The following SCHIP1 variants were observed in gnomAD, a reference collection of about 807,000 sequenced individuals.
SCHIP1 encodes the protein schwannomin interacting protein 1.
Under a neutral mutation model 29.7 loss-of-function variants are expected in SCHIP1, and 8 were observed. The ratio of observed to expected loss-of-function variants is 0.27; its 90% CI spans 0.16 to 0.49. The LOEUF (loss-of-function observed/expected upper bound fraction) is 0.49, where lower values mean the gene tolerates loss of function less well. Among genes scored for constraint, SCHIP1 ranks in the 20% least tolerant of loss-of-function variants. SCHIP1 has a pLI of 0.99. For synonymous variants in SCHIP1, 76 were observed against 94.9 expected, an observed-to-expected ratio of 0.80 and a Z score of 1.16; for missense variants, 193 against 294.6, an observed-to-expected ratio of 0.66 and a Z score of 2.52.
chr3:159,273,249 G>C, the SCHIP1 span: 2 of 985,636 alleles, frequency 2.0e-6, 1 homozygote, highest in Non-Finnish European at 2.4e-6. Flanking sequence ...GCCTCAGAAA[G>C]AGATAATCTG....
the SCHIP1 span, among the ~76,000 whole-genome samples, chr3:159,303,638 A>G: frequency 0.032 from 4,901 of 152,102 alleles, 119 homozygotes; most frequent in East Asian, 0.11. Context: ...AGCTAGGGGA[A>G]AGCTGTGAAG....
chr3:159,605,472 A>G, the SCHIP1 span, among the ~76,000 whole-genome samples: 37 of 152,182 alleles, frequency 2.4e-4, no homozygotes, highest in Non-Finnish European at 4.6e-4. Context: ...TTCCTGACCA[A>G]TCCTATCACC....
At chr3:159,867,758 T>C (rs541501575) in intron 2 of SCHIP1, among the ~76,000 whole-genome samples, 1 of 152,250 alleles carries the variant, frequency 6.6e-6, no homozygotes, top group Admixed American at 6.5e-5. Flanking sequence ...CACTTCTAAT[T>C]TTGAAACTTT....
the SCHIP1 span, chr3:159,764,921 C>A: frequency 3.3e-6 from 5 of 1,518,894 alleles, no homozygotes; most frequent in South Asian, 5.1e-5. This position sits in a 1 kb window ranked among gnomAD's most constrained non-coding sequence, Gnocchi z 6.1. Flanking sequence ...CCCCGCCGGG[C>A]GATCCAAAAG....
the SCHIP1 span, among the ~76,000 whole-genome samples, chr3:159,623,731 G>A: frequency 6.6e-6 from 1 of 152,188 alleles, no homozygotes; most frequent in Non-Finnish European, 1.5e-5. Flanking sequence ...TAGGGTACTT[G>A]TATAAAATTT....
the SCHIP1 span, among the ~76,000 whole-genome samples, chr3:159,503,460 A>G: frequency 1.3e-5 from 2 of 152,170 alleles, no homozygotes; most frequent in Non-Finnish European, 2.9e-5. Flanking sequence ...TTTTTTCAAT[A>G]CATGTACATA....
chr3:159,704,417 TAAAAAAAAAAAA>T, the SCHIP1 span, among the ~76,000 whole-genome samples: 2 of 92,620 alleles, frequency 2.2e-5, no homozygotes, highest in African/African-American at 8.2e-5. Context: ...CAATTTTTTC[TAAAAAAAAAAAA>T]AAAAAAAAAA....
At chr3:159,768,414 C>T in the SCHIP1 span, 1 of 152,324 alleles carries the variant, frequency 6.6e-6, no homozygotes, top group Non-Finnish European at 1.5e-5. Flanking sequence ...CACTCCACAT[C>T]CAGTGCTCTT....
chr3:159,432,745 C>T, the SCHIP1 span, among the ~76,000 whole-genome samples: 2 of 152,170 alleles, frequency 1.3e-5, no homozygotes, highest in African/African-American at 2.4e-5. Context: ...CATACTATCA[C>T]TCAATTGTAT....
chr3:159,434,522 G>A, the SCHIP1 span, among the ~76,000 whole-genome samples: 1 of 152,078 alleles, frequency 6.6e-6, no homozygotes, highest in African/African-American at 2.4e-5. Flanking sequence ...ATTCCACTGG[G>A]TTTCCCCTAA....
the SCHIP1 span, among the ~76,000 whole-genome samples, chr3:159,613,694 T>C: frequency 1.3e-5 from 2 of 152,328 alleles, no homozygotes; most frequent in South Asian, 2.1e-4. Flanking sequence ...CAAGATCTAC[T>C]ATGAAAGGAT....
chr3:159,394,353 T>G, the SCHIP1 span, among the ~76,000 whole-genome samples: 23 of 152,104 alleles, frequency 1.5e-4, no homozygotes, highest in Admixed American at 1.3e-3. Flanking sequence ...AACACTATGT[T>G]GAATAGGAGT....
the SCHIP1 span, among the ~76,000 whole-genome samples, chr3:159,774,993 T>G: frequency 6.6e-6 from 1 of 152,224 alleles, no homozygotes; most frequent in Non-Finnish European, 1.5e-5. Context: ...TTCTTAGTAT[T>G]TATGGTTCAT....
the SCHIP1 span, among the ~76,000 whole-genome samples, chr3:159,437,438 G>A: frequency 6.6e-6 from 1 of 152,022 alleles, no homozygotes; most frequent in Non-Finnish European, 1.5e-5. Context: ...TCCTACGGCT[G>A]CCTCAGGACA....
upstream of SCHIP1, among the ~76,000 whole-genome samples, chr3:159,836,039 C>G (rs1743637416): frequency 6.6e-6 from 1 of 152,212 alleles, no homozygotes; most frequent in Admixed American, 6.5e-5. Flanking sequence ...TGCAGCTTCA[C>G]TCTTACTTTA....
the SCHIP1 span, among the ~76,000 whole-genome samples, chr3:159,828,398 TATATATATAC>T: frequency 1.0e-3 from 66 of 63,858 alleles, 1 homozygote; most frequent in East Asian, 5.0e-3. Flanking sequence ...CATATATACG[TATATATATAC>T]GTATATATAC....
At chr3:159,327,116 T>G in the SCHIP1 span, among the ~76,000 whole-genome samples, 1 of 152,318 alleles carries the variant, frequency 6.6e-6, no homozygotes, top group African/African-American at 2.4e-5. Flanking sequence ...GGAAATTACC[T>G]GCTCTAGAAG....
chr3:159,385,580 A>AAC, the SCHIP1 span, among the ~76,000 whole-genome samples: 349 of 134,926 alleles, frequency 2.6e-3, no homozygotes, highest in African/African-American at 8.9e-3. Flanking sequence ...ACAAACAAAA[A>AAC]AAAAAAAACC....
the SCHIP1 span, among the ~76,000 whole-genome samples, chr3:159,283,303 C>T: frequency 5.7e-4 from 87 of 152,256 alleles, 1 homozygote; most frequent in South Asian, 0.011. Context: ...CAGGCCCATG[C>T]CACCATGCCC....
Sources: gnomAD v4.1 joint callset for allele counts (sites outside exome capture counted in the v4.1 genomes callset) on GRCh38, gnomAD v4.1.1 for gene constraint, Gnocchi (gnomAD v3.1) non-coding constraint, MANE v1.5 for transcripts, NCBI Gene and HGNC (gene_info 2026-07-23, HGNC 2026-07-21) for gene names.